Variants in RNASET2 observed in about 807,000 individuals in gnomAD.
RNASET2 encodes the protein ribonuclease 6.
In RNASET2, 28 loss-of-function variants were observed where a neutral mutation model predicts 33.9. The ratio of observed to expected loss-of-function variants is 0.83; its 90% CI spans 0.61 to 1.13. The LOEUF (loss-of-function observed/expected upper bound fraction) is 1.13, where lower values mean the gene tolerates loss of function less well. RNASET2 is among the 50% of genes most tolerant of loss of function. The pLI, the probability that RNASET2 is intolerant of heterozygous loss-of-function variation, is 0.00. For synonymous variants in RNASET2, 123 were observed against 121.0 expected (o/e 1.02, Z -0.11); for missense variants, 330 against 319.9 (o/e 1.03, Z -0.24).
chr6:166,944,596 A>C (rs948100163), intron 4 of RNASET2, among the ~76,000 whole-genome samples: 2 of 151,930 alleles, frequency 1.3e-5, no homozygotes, highest in Non-Finnish European at 2.9e-5. Context: ...GACAATGCAA[A>C]GGTGTTCCTA....
chr6:166,941,184 G>C (rs1466339899), intron 5 of RNASET2, among the ~76,000 whole-genome samples: 1 of 152,188 alleles, frequency 6.6e-6, no homozygotes, highest in African/African-American at 2.4e-5. Flanking sequence ...TTTTAAGTGT[G>C]TAATTCAACT....
rs2128643133 is a variant in RNASET2 at position 166,927,306 on chromosome 6, GC to G, written c.*2281del. ...TGTTCTACCTGCTCCTGAGCTCTAG[GC>G]CAAAATAGGAATATTAAGAGAGCCA... On this transcript the variant is annotated 3_prime_UTR_variant, in exon 9 of 9. Coordinates refer to ENST00000508775, the MANE Select transcript of RNASET2 (RefSeq NM_003730.6). Among the ~76,000 whole-genome samples, 1 of 152,144 alleles carries G rather than the reference GC, an allele frequency of 6.6e-6. No homozygotes were observed.
rs11754971 is a variant in RNASET2 at position 166,923,147 on chromosome 6, C to T, written c.*6441G>A. Among the ~76,000 whole-genome samples the T allele has an allele frequency of 3.1e-3, 471 of 151,782 alleles. 1 individual carries two copies. Among genetic ancestry groups the T allele is most frequent in the Non-Finnish European group, 4.8e-3 (328 of 67,948 alleles). On this transcript the variant is annotated 3_prime_UTR_variant, in exon 9 of 9. Coordinates refer to ENST00000508775, the MANE Select transcript of RNASET2 (RefSeq NM_003730.6). ...CTGTTGCCCAGGCTGGAGGGTGGAG[C>T]GCAGTGGCGCAATCTCCACTCACTG...
At chr6:166,946,892 G>C in intron 3 of RNASET2, 153 bp from the exon 4 acceptor site, 1 of 698,272 alleles carries the variant, frequency 1.4e-6, no homozygotes, top group Non-Finnish European at 2.6e-6. Flanking sequence ...GGATGCTTAA[G>C]AAAGAAGATG....
chr6:166,956,218 G>C lies in RNASET2; in HGVS notation c.-36C>G. 1.3e-6 allele frequency: 2 copies of C among 1,522,798 alleles called. No homozygotes were observed. The highest frequency in any genetic ancestry group is 1.8e-6 in the Non-Finnish European group (2 of 1,123,246). The allele number at this position is 1,522,798 out of a possible 1,614,324, so 94.3% of individuals were successfully genotyped here. On this transcript the variant is annotated 5_prime_UTR_variant, in exon 1 of 9. Coordinates refer to ENST00000508775, the MANE Select transcript of RNASET2 (RefSeq NM_003730.6). ...TGCGGAGAGAACGCTGCCAGCTGCCGCTCCGGCTCCCACTTCCCACCTGCT... is the reference window on the plus strand; with the variant it reads ...TGCGGAGAGAACGCTGCCAGCTGCCCCTCCGGCTCCCACTTCCCACCTGCT...
At chr6:166,955,308 GACAC>G (rs1186360338) in intron 1 of RNASET2, among the ~76,000 whole-genome samples, 2 of 36,966 alleles carry the variant, frequency 5.4e-5, no homozygotes, top group Non-Finnish European at 9.9e-5. Flanking sequence ...GCGCACACAC[GACAC>G]ACACGCACAC....
intron 4 of RNASET2, among the ~76,000 whole-genome samples, chr6:166,944,276 C>T (rs896589766): frequency 2.6e-5 from 4 of 152,090 alleles, no homozygotes; most frequent in Non-Finnish European, 4.4e-5. Flanking sequence ...TCTACACACC[C>T]TCTACACCAA....
chr6:166,956,381 G>C lies in RNASET2; in HGVS notation c.-199C>G. 1 of 599,870 alleles carries C rather than the reference G, an allele frequency of 1.7e-6. No individual in the cohort carries two copies. Among genetic ancestry groups the C allele is most frequent in the East Asian group, 2.9e-5 (1 of 34,704 alleles). 37.2% of individuals were successfully genotyped at this position (599,870 alleles called of 1,614,324 possible). ...CAGTATCTCGCGGGCCCCGCGCCGG[G>C]CTCCGGGAATGGCCGCAGCAGCCCT... On this transcript the variant is annotated 5_prime_UTR_variant, in exon 1 of 9. Coordinates refer to ENST00000508775, the MANE Select transcript of RNASET2 (RefSeq NM_003730.6).
In RNASET2 at chr6:166,929,794, A is replaced by G. The variant is rs1778376083; in HGVS notation, c.568-3T>C. The G allele has an allele frequency of 6.2e-7, 1 of 1,612,622 alleles. No homozygotes were observed. ...CCAATTGTCTGTACTTCCTCATCCT[A>G]AAAGTAAACAATGAAAGACGCTTTA... On this transcript the variant is annotated splice_polypyrimidine_tract_variant and splice_region_variant and intron_variant, in intron 8 of 8. Transcript: ENST00000508775.
chr6:166,956,545 T>G lies in RNASET2; in HGVS notation c.-363A>C. 2 of 319,696 alleles carry G rather than the reference T, an allele frequency of 6.3e-6. No individual in the cohort carries two copies. The highest frequency in any genetic ancestry group is 2.3e-5 in the African/African-American group (1 of 43,808). 19.8% of individuals were successfully genotyped at this position (319,696 alleles called of 1,614,324 possible). A position where few individuals can be genotyped will look rare whatever the true frequency, so the allele number is the denominator to read the frequency against. ...CCGCCCACGACCACGGTCAGTCGCG[T>G]TGCTCCCAGCCCAGGGCGCCCTGCG... On this transcript the variant is annotated 5_prime_UTR_variant, in exon 1 of 9. Transcript: ENST00000508775.
chr6:166,934,100 A>C lies in RNASET2; in HGVS notation c.483T>G (p.Asn161Lys). 1 of 1,610,282 alleles carries C rather than the reference A, an allele frequency of 6.2e-7. No homozygotes were observed. Among genetic ancestry groups the C allele is most frequent in the Non-Finnish European group, 8.5e-7 (1 of 1,176,546 alleles). Residue 161 changes from asparagine (N) to lysine (K), a missense_variant, in exon 7 of 9, where the codon AAT becomes AAG. Physicochemically the swap from Asn to Lys is moderately conservative, Grantham distance 94. Coordinates refer to ENST00000508775, the MANE Select transcript of RNASET2 (RefSeq NM_003730.6). ...CAAAAGCAAGACTTACTTGGTAGTAATTGATGGATGGTTTTATCCCCAATT... is the reference window on the plus strand; with the variant it reads ...CAAAAGCAAGACTTACTTGGTAGTACTTGATGGATGGTTTTATCCCCAATT... ...LLKLGIKPSI[N>K]YYQVADFKDA... is the part of the protein sequence containing the mutation.
At chr6:166,955,292 ACAGACGCG>A (rs1562507151) in intron 1 of RNASET2, among the ~76,000 whole-genome samples, 3,593 of 77,576 alleles carry the variant, frequency 0.046, 204 homozygotes, top group African/African-American at 0.073. Context: ...ACACACACGC[ACAGACGCG>A]CACACACGAC....
chr6:166,955,375 GCACACGCACACACACA>G (rs1562507716), intron 1 of RNASET2: 4 of 228,608 alleles, frequency 1.7e-5, no homozygotes, highest in East Asian at 7.2e-4. Flanking sequence ...ACACACAAAC[GCACACGCACACACACA>G]CACGCGCACA....
At chr6:166,948,301 G>A (rs977523575) in intron 3 of RNASET2, 34 of 492,660 alleles carry the variant, frequency 6.9e-5, no homozygotes, top group Non-Finnish European at 8.5e-5. Flanking sequence ...AGCCAAGATC[G>A]TGCCACTGCA....
chr6:166,946,873 T>C (rs912967188), intron 3 of RNASET2, 134 bp from the exon 4 acceptor site: 13 of 712,014 alleles, frequency 1.8e-5, no homozygotes, highest in Admixed American at 1.2e-4. Context: ...GAATTCCTTA[T>C]CCCAGGCAGG....
Position 166,938,887 on chromosome 6 carries a change from G to A in RNASET2, c.446+8C>T, listed in dbSNP as rs752964226. On this transcript the variant is annotated splice_region_variant and intron_variant, in intron 6 of 8. Coordinates refer to ENST00000508775, the MANE Select transcript of RNASET2 (RefSeq NM_003730.6). ...TGGGAAGTGCAGCCGGGGGAAGGGC[G>A]CACCCACCTGTTGAGGTCCAGCTCC... 31 of 1,587,944 alleles carry A rather than the reference G, an allele frequency of 2.0e-5. No homozygotes were observed. Among genetic ancestry groups the A allele is most frequent in the South Asian group, 1.7e-4 (15 of 90,564 alleles).
intron 1 of RNASET2, 199 bp from the exon 2 acceptor site, chr6:166,952,747 C>A (rs1779018445): frequency 1.2e-5 from 7 of 585,878 alleles, no homozygotes; most frequent in Non-Finnish European, 2.2e-5. Context: ...GTGGTGGCGT[C>A]CAGTGCTGAG....
At chr6:166,955,170 G>T (rs1470640705) in intron 1 of RNASET2, among the ~76,000 whole-genome samples, 1 of 123,728 alleles carries the variant, frequency 8.1e-6, no homozygotes, top group Non-Finnish European at 1.7e-5. Flanking sequence ...TAATTTGGGC[G>T]GCTGCCACAC....
chr6:166,954,584 G>A (rs1779060747), intron 1 of RNASET2, among the ~76,000 whole-genome samples: 1 of 152,230 alleles, frequency 6.6e-6, no homozygotes, highest in African/African-American at 2.4e-5. Flanking sequence ...TCCCCAGTGA[G>A]AGGCTCTGAA....
Sources: gnomAD v4.1 joint callset for allele counts (sites outside exome capture counted in the v4.1 genomes callset) on GRCh38, gnomAD v4.1.1 for gene constraint, MANE v1.5 for transcripts, NCBI Gene and HGNC (gene_info 2026-07-23, HGNC 2026-07-21) for gene names.